Variants in SLC38A11 observed in about 807,000 individuals in gnomAD.
SLC38A11 encodes solute carrier family 38 member 11.
SLC38A11 carries 51 observed loss-of-function variants against 49.4 expected under a neutral mutation model. The observed-to-expected ratio is 1.03, with a 90% CI of 0.83 to 1.30. The LOEUF (loss-of-function observed/expected upper bound fraction) is 1.30, where lower values mean the gene tolerates loss of function less well. Ranked by LOEUF, SLC38A11 falls within the 50% of genes most tolerant of loss-of-function variation. The pLI, the probability that SLC38A11 is intolerant of heterozygous loss-of-function variation, is 0.00. For synonymous variants in SLC38A11, 203 were observed against 192.9 expected, an observed-to-expected ratio of 1.05 and a Z score of -0.43; for missense variants, 574 against 556.2, an observed-to-expected ratio of 1.03 and a Z score of -0.32.
intron 1 of SLC38A11, 61 bp downstream of exon 1, chr2:164,955,148 T>C: frequency 6.7e-7 from 1 of 1,497,538 alleles, no homozygotes; most frequent in Non-Finnish European, 9.1e-7. Context: ...CCTGACCTGT[T>C]GCAAGGTGAA....
intron 5 of SLC38A11, among the ~76,000 whole-genome samples, chr2:164,940,942 T>C (rs1456841994): frequency 1.3e-5 from 2 of 152,160 alleles, no homozygotes; most frequent in East Asian, 1.9e-4. Flanking sequence ...GTGGTGAATA[T>C]AATTTGAACC....
At chr2:164,942,302 G>A (rs943807704) in intron 5 of SLC38A11, among the ~76,000 whole-genome samples, 3 of 151,640 alleles carry the variant, frequency 2.0e-5, no homozygotes, top group East Asian at 1.9e-4. Flanking sequence ...GGGCGTGGTG[G>A]TGTGCACCTG....
Position 164,897,627 on chromosome 2 carries a change from G to A in SLC38A11, c.*810C>T, listed in dbSNP as rs555102566. On this transcript the variant is annotated 3_prime_UTR_variant, in exon 12 of 12. Coordinates refer to ENST00000685975, the MANE Select transcript of SLC38A11 (RefSeq NM_001351537.2). ...TCTGTAGCCCTGATTCTTCTTACAC[G>A]TTTCTAGTTTCAAAGTTCAGCTTCC... is the stretch of plus-strand genomic sequence containing the variant. The A allele has an allele frequency of 5.9e-4, 90 of 152,174 alleles. No homozygotes were observed. Among genetic ancestry groups the A allele is most frequent in the Non-Finnish European group, 1.2e-3 (84 of 68,064 alleles). The allele number at this position is 152,174 out of a possible 1,614,324, so 9.4% of individuals were successfully genotyped here.
intron 7 of SLC38A11, among the ~76,000 whole-genome samples, chr2:164,917,483 C>A (rs939097796): frequency 6.6e-6 from 1 of 152,142 alleles, no homozygotes; most frequent in Non-Finnish European, 1.5e-5. Context: ...GGAGTGGGAA[C>A]TACTGCCACC....
chr2:164,925,315 T>A (rs1686494322), intron 7 of SLC38A11, among the ~76,000 whole-genome samples: 1 of 152,182 alleles, frequency 6.6e-6, no homozygotes, highest in African/African-American at 2.4e-5. Flanking sequence ...CTTGTGAGAA[T>A]TATGGGTGTC....
intron 11 of SLC38A11, among the ~76,000 whole-genome samples, chr2:164,904,527 A>G (rs1684865867): frequency 6.6e-6 from 1 of 152,158 alleles, no homozygotes; most frequent in African/African-American, 2.4e-5. Context: ...ACCTTGCATG[A>G]TCTGATTCAT....
Position 164,954,615 on chromosome 2 carries a change from A to G in SLC38A11, c.154+16T>C, listed in dbSNP as rs753253518. ...GCCCTTTCACTTAAAATTTAAACCA[A>G]AGCAAATACACTTACCTATTATACC... is the stretch of plus-strand genomic sequence containing the variant. On this transcript the variant is annotated intron_variant, in intron 2 of 11. Transcript: ENST00000685975. 2.2e-6 allele frequency: 3 copies of G among 1,349,480 alleles called. No individual in the cohort carries two copies. The highest frequency in any genetic ancestry group is 1.7e-5 in the South Asian group (1 of 60,182). The allele number at this position is 1,349,480 out of a possible 1,614,324, so 83.6% of individuals were successfully genotyped here. A position where few individuals can be genotyped will look rare whatever the true frequency, so the allele number is the denominator to read the frequency against.
chr2:164,943,688 C>T (rs1048456999), intron 5 of SLC38A11, among the ~76,000 whole-genome samples: 4 of 152,070 alleles, frequency 2.6e-5, no homozygotes, highest in Admixed American at 1.3e-4. Flanking sequence ...GACAGAATCT[C>T]TCTATGTGGC....
chr2:164,939,235 G>T (rs1170774942), intron 6 of SLC38A11, among the ~76,000 whole-genome samples: 1 of 151,794 alleles, frequency 6.6e-6, no homozygotes, highest in Non-Finnish European at 1.5e-5. Context: ...CCTTAAAAAA[G>T]AAAAAGGAAG....
chr2:164,914,052 G>A (rs1185386710), intron 9 of SLC38A11, among the ~76,000 whole-genome samples: 1 of 152,014 alleles, frequency 6.6e-6, no homozygotes, highest in Non-Finnish European at 1.5e-5. Flanking sequence ...AGAGGGTCAT[G>A]GTTGACCAAA....
At chr2:164,903,969 C>G (rs1684828424) in intron 11 of SLC38A11, among the ~76,000 whole-genome samples, 1 of 152,154 alleles carries the variant, frequency 6.6e-6, no homozygotes, top group Admixed American at 6.5e-5. Context: ...TAAATTTCTA[C>G]TTTGTAATTA....
chr2:164,928,441 G>A (rs1002612058), intron 7 of SLC38A11, among the ~76,000 whole-genome samples: 2 of 152,266 alleles, frequency 1.3e-5, no homozygotes, highest in East Asian at 3.9e-4. Flanking sequence ...ATTCATTCAT[G>A]CATCCAGTTG....
intron 3 of SLC38A11, among the ~76,000 whole-genome samples, chr2:164,950,522 T>A (rs1688450129): frequency 6.6e-6 from 1 of 152,174 alleles, no homozygotes; most frequent in African/African-American, 2.4e-5. Context: ...TAGGTATTAA[T>A]CACTATAATA....
chr2:164,911,505 G>T, intron 10 of SLC38A11, 131 bp downstream of exon 10: 1 of 434,112 alleles, frequency 2.3e-6, no homozygotes, highest in Non-Finnish European at 4.2e-6. Context: ...AGTCAAAAAA[G>T]AAAATTTTAC....
At chr2:164,955,172 C>T (rs117077996) in intron 1 of SLC38A11, 37 bp downstream of exon 1, 1 of 1,547,946 alleles carries the variant, frequency 6.5e-7, no homozygotes, top group African/African-American at 1.4e-5. Flanking sequence ...AATTTCCGGA[C>T]AACTGGCTTC....
chr2:164,940,225 ATT>A (rs1235571010), intron 5 of SLC38A11, among the ~76,000 whole-genome samples: 11 of 40,598 alleles, frequency 2.7e-4, no homozygotes, highest in African/African-American at 1.5e-4. Flanking sequence ...CAAATAGAAA[ATT>A]TTATATATAT....
intron 11 of SLC38A11, among the ~76,000 whole-genome samples, chr2:164,904,216 G>A (rs1343763706): frequency 2.0e-5 from 3 of 152,088 alleles, no homozygotes; most frequent in African/African-American, 4.8e-5. Context: ...GTACTGCTGC[G>A]AGTAGAAACC....
chr2:164,913,260 T>A (rs887226340), intron 9 of SLC38A11, among the ~76,000 whole-genome samples: 3 of 152,012 alleles, frequency 2.0e-5, no homozygotes, highest in African/African-American at 7.2e-5. Context: ...GGCAGAAACC[T>A]GCTTCAAGGT....
At chr2:164,942,294 G>A (rs1049431950) in intron 5 of SLC38A11, among the ~76,000 whole-genome samples, 5 of 151,604 alleles carry the variant, frequency 3.3e-5, no homozygotes, top group African/African-American at 1.2e-4. Context: ...ACAAAACCGG[G>A]CGTGGTGGTG....
Sources: allele counts gnomAD v4.1 joint callset (sites outside exome capture counted in the v4.1 genomes callset), GRCh38; gene constraint gnomAD v4.1.1; transcripts MANE v1.5; gene names NCBI Gene and HGNC (gene_info 2026-07-23, HGNC 2026-07-21).